Variants in STARD13 observed in about 807,000 individuals in gnomAD.
STARD13 encodes StAR related lipid transfer domain containing 13.
Under a neutral mutation model 106.4 loss-of-function variants are expected in STARD13, and 62 were observed. The observed-to-expected ratio is 0.58, with a 90% confidence interval of 0.48 to 0.72. The LOEUF (loss-of-function observed/expected upper bound fraction) is 0.72. STARD13 is among the 30% of genes least tolerant of loss of function. The pLI, the probability that STARD13 is intolerant of heterozygous loss-of-function variation, is 0.00. For synonymous variants in STARD13, 565 were observed against 553.0 expected (o/e 1.02, Z -0.31); for missense variants, 1,387 against 1,424.0 (o/e 0.97, Z 0.42).
At chr13:33,232,117 A>G (rs1888956473) in intron 1 of STARD13, among the ~76,000 whole-genome samples, 1 of 152,180 alleles carries the variant, frequency 6.6e-6, no homozygotes, top group Admixed American at 6.5e-5. Context: ...GTTCGAGGCC[A>G]GCCTGGCCAA....
intron 1 of STARD13, among the ~76,000 whole-genome samples, chr13:33,331,526 A>ATTTTT (rs35827468): frequency 3.2e-4 from 42 of 130,804 alleles, no homozygotes; most frequent in African/African-American, 7.6e-4. Context: ...CTGATTTTGT[A>ATTTTT]TTTTTTTTTT....
the STARD13 span, among the ~76,000 whole-genome samples, chr13:33,594,524 A>G: frequency 7.2e-5 from 11 of 152,354 alleles, no homozygotes; most frequent in Admixed American, 7.2e-4. Flanking sequence ...TAAAATATAC[A>G]TAACAAAATT....
At chr13:33,269,031 G>A (rs546804854) in intron 1 of STARD13, among the ~76,000 whole-genome samples, 2 of 152,102 alleles carry the variant, frequency 1.3e-5, no homozygotes, top group Non-Finnish European at 2.9e-5. Flanking sequence ...CCATGAGCTG[G>A]GTACTCCTCT....
At position 33,132,185 on chromosome 13, in the gene STARD13, T is replaced by C. The variant is rs150071148; in HGVS notation, c.388-1896A>G. Among the ~76,000 whole-genome samples, 268 of 152,328 alleles carry C rather than the reference T, an allele frequency of 1.8e-3. 1 individual carries two copies. The highest frequency in any genetic ancestry group is 6.3e-3 in the African/African-American group (260 of 41,576). On this transcript the variant is annotated intron_variant, in intron 4 of 13. Coordinates refer to ENST00000336934, the MANE Select transcript of STARD13 (RefSeq NM_178006.4). ...AAAGCCAAGGTACAGAAAAGAATTC[T>C]ATGGCTTAGAAGTCAGGTGCGGTGG...
the STARD13 span, among the ~76,000 whole-genome samples, chr13:33,436,221 G>A: frequency 5.4e-3 from 829 of 152,302 alleles, 8 homozygotes; most frequent in African/African-American, 0.019. Flanking sequence ...TTCTTCAGAT[G>A]TGATTTTATT....
At chr13:33,572,575 C>A in the STARD13 span, among the ~76,000 whole-genome samples, 16 of 152,162 alleles carry the variant, frequency 1.1e-4, no homozygotes, top group Admixed American at 6.6e-5. Flanking sequence ...ATATCAAATG[C>A]AACTTACATT....
At chr13:33,443,932 A>AATGT in the STARD13 span, among the ~76,000 whole-genome samples, 1 of 151,918 alleles carries the variant, frequency 6.6e-6, no homozygotes, top group Non-Finnish European at 1.5e-5. Context: ...TAAAATCCAA[A>AATGT]ATGTGACTTA....
chr13:33,396,832 G>C, the STARD13 span, among the ~76,000 whole-genome samples: 2 of 152,162 alleles, frequency 1.3e-5, no homozygotes, highest in Non-Finnish European at 2.9e-5. Context: ...CACAGAAACA[G>C]GATCCCTGAG....
chr13:33,242,822 C>A (rs1479744933), intron 1 of STARD13, among the ~76,000 whole-genome samples: 1 of 152,086 alleles, frequency 6.6e-6, no homozygotes, highest in African/African-American at 2.4e-5. Flanking sequence ...TTTCAAAACA[C>A]CTTTTCTTTA....
At chr13:33,164,146 C>T (rs1269213981) in intron 3 of STARD13, 2 of 152,186 alleles carry the variant, frequency 1.3e-5, no homozygotes, top group Non-Finnish European at 2.9e-5. Context: ...CTTTGCTCTT[C>T]CACCCATGTA....
downstream of STARD13, among the ~76,000 whole-genome samples, chr13:33,348,172 T>C (rs1296088994): frequency 6.6e-6 from 1 of 152,170 alleles, no homozygotes; most frequent in Non-Finnish European, 1.5e-5. Flanking sequence ...ATATTCTGAT[T>C]AAACATTTTC....
rs757299597 is a variant in STARD13 at position 33,129,733 on chromosome 13, G to A, written c.944C>T (p.Pro315Leu). 2.4e-5 allele frequency: 38 copies of A among 1,613,964 alleles called. No individual in the cohort carries two copies. In the South Asian group the frequency reaches 3.7e-4, roughly 16 times the overall value. The stretch of plus-strand genomic sequence containing the variant: ...GAGCCCTTTTCTGCAGGCAGGTGGC[G>A]GCGAATTCTGGAGATCTCCATTTGG... ...QIPNGDLQNS[P>L]PPACRKGLPC... Residue 315 changes from proline to leucine, a missense_variant, in exon 5 of 14, where the codon CCG becomes CTG. Transcript: ENST00000336934.
At chr13:33,616,166 AAG>A in the STARD13 span, among the ~76,000 whole-genome samples, 44 of 149,134 alleles carry the variant, frequency 3.0e-4, no homozygotes, top group African/African-American at 9.6e-4. Flanking sequence ...GAGAGAAGCA[AAG>A]AGGAGGGGAG....
chr13:33,145,328 A>G (rs560064952), intron 3 of STARD13, among the ~76,000 whole-genome samples: 7 of 152,342 alleles, frequency 4.6e-5, no homozygotes, highest in African/African-American at 1.7e-4. Context: ...CAGAATACCT[A>G]AAGTAAAAAC....
intron 1 of STARD13, chr13:33,205,965 T>C (rs961100470): frequency 1.0e-6 from 1 of 985,328 alleles, no homozygotes; most frequent in Admixed American, 6.1e-5. Flanking sequence ...TCGTTATCTC[T>C]GCCAGCTAAT....
exon 2 of STARD13, chr13:33,349,034 G>T (rs978219936): frequency 8.8e-6 from 6 of 680,978 alleles, no homozygotes; most frequent in Non-Finnish European, 1.6e-5. Context: ...GGGTTTAAGG[G>T]CAGAACACCT....
chr13:33,662,151 A>G, the STARD13 span, among the ~76,000 whole-genome samples: 1 of 151,500 alleles, frequency 6.6e-6, no homozygotes, highest in Admixed American at 6.6e-5. Context: ...AATCCCAGCT[A>G]CTCGGGAAGC....
In STARD13 at chr13:33,117,312, T is replaced by C. The variant is rs911452571; in HGVS notation, c.2281+753A>G. Among the ~76,000 whole-genome samples, 5 of 152,310 alleles carry C rather than the reference T, an allele frequency of 3.3e-5. No homozygotes were observed. The South Asian group carries it at 8.3e-4, about 25-fold the overall frequency. ...TTTAGTTAGAGATGGGGTTTCACCA[T>C]GTTGGCCAGGCTGGTCTTGAACTCC... is the stretch of plus-strand genomic sequence containing the variant. On this transcript the variant is annotated intron_variant, in intron 8 of 13. Transcript: ENST00000336934.
the STARD13 span, chr13:33,611,064 C>G: frequency 0.1 from 15,703 of 152,226 alleles, 1,779 homozygotes; most frequent in African/African-American, 0.27. Flanking sequence ...ATCTTAGAGA[C>G]ACGGCTTTGT....
Sources: allele counts gnomAD v4.1 joint callset (sites outside exome capture counted in the v4.1 genomes callset), GRCh38; gene constraint gnomAD v4.1.1; transcripts MANE v1.5; gene names NCBI Gene and HGNC (gene_info 2026-07-23, HGNC 2026-07-21).